The following CD200 variants were observed in gnomAD, a reference collection of about 807,000 sequenced individuals.
The protein encoded by CD200 is OX-2 membrane glycoprotein.
A neutral mutation model predicts 30.9 loss-of-function variants in CD200; 15 were observed. The observed-to-expected ratio is 0.49, with a 90% CI of 0.32 to 0.75. CD200 has a LOEUF of 0.75. Among genes scored for constraint, CD200 ranks in the 30% least tolerant of loss-of-function variants. CD200 has a pLI of 0.03. For missense variants in CD200, 262 were observed against 324.2 expected (o/e 0.81, Z 1.47); for synonymous variants, 134 against 126.2 (o/e 1.06, Z -0.41).
upstream of CD200, chr3:112,333,059 G>A (rs892787183): frequency 5.8e-5 from 63 of 1,080,708 alleles, 1 homozygote; most frequent in South Asian, 3.1e-4. Context: ...CTCCTGTGAG[G>A]GCGTGGGGAA....
intron 3 of CD200, 87 bp from the exon 4 acceptor site, chr3:112,347,471 G>A: frequency 1.6e-6 from 2 of 1,285,296 alleles, no homozygotes; most frequent in Middle Eastern, 1.9e-4. Flanking sequence ...CTTTCTATAA[G>A]CATATTTCCT....
In CD200 at chr3:112,333,240, G is replaced by A. The variant is rs1403942636; in HGVS notation, c.12+16G>A. 1.9e-6 allele frequency: 3 copies of A among 1,549,362 alleles called. No homozygotes were observed. Among genetic ancestry groups the A allele is most frequent in the Non-Finnish European group, 1.7e-6 (2 of 1,146,312 alleles). On this transcript the variant is annotated intron_variant, in intron 1 of 5. Coordinates refer to ENST00000315711, the MANE Select transcript of CD200 (RefSeq NM_005944.7). Reference sequence around the variant, plus strand: ...GGAGAGGCTGGTGAGCGGGGCCGGGGCTTGGGAAGGAGGGCGCAGGGCAGG... The same window carrying A: ...GGAGAGGCTGGTGAGCGGGGCCGGGACTTGGGAAGGAGGGCGCAGGGCAGG...
intron 1 of CD200, chr3:112,336,165 A>T: frequency 1.6e-6 from 1 of 633,238 alleles, no homozygotes; most frequent in Non-Finnish European, 2.8e-6. Context: ...TTCCCTCATT[A>T]AGTTTAGGTC....
intron 2 of CD200, among the ~76,000 whole-genome samples, chr3:112,341,537 A>G (rs1230871405): frequency 6.6e-6 from 1 of 152,156 alleles, no homozygotes; most frequent in Non-Finnish European, 1.5e-5. Flanking sequence ...TGGCCTTTTC[A>G]TCACTTGCAG....
intron 3 of CD200, 72 bp from the exon 4 acceptor site, chr3:112,347,486 C>G: frequency 7.1e-7 from 1 of 1,405,136 alleles, no homozygotes; most frequent in Non-Finnish European, 1.0e-6. Context: ...TTTCCTTCAT[C>G]TCTCTGAGGA....
At chr3:112,345,563 G>A (rs2081366832) in intron 3 of CD200, among the ~76,000 whole-genome samples, 1 of 152,194 alleles carries the variant, frequency 6.6e-6, no homozygotes, top group Admixed American at 6.5e-5. Flanking sequence ...TTCTCCATAA[G>A]CAGTGATATG....
chr3:112,340,469 A>G (rs2081213654), intron 1 of CD200, among the ~76,000 whole-genome samples: 2 of 152,208 alleles, frequency 1.3e-5, no homozygotes. Flanking sequence ...CAGTCAAATA[A>G]TGTTCTTGAA....
chr3:112,360,333 A>AAATATATATAT (rs879786648), intron 5 of CD200, among the ~76,000 whole-genome samples: 4 of 141,196 alleles, frequency 2.8e-5, no homozygotes, highest in African/African-American at 1.0e-4. Context: ...ATCTAAAAAA[A>AAATATATATAT]ATATATATAT....
At chr3:112,349,928 T>C (rs566144157) in intron 5 of CD200, 109 bp downstream of exon 5, 2 of 1,369,010 alleles carry the variant, frequency 1.5e-6, no homozygotes, top group East Asian at 2.7e-5. Context: ...CAATGTGTTT[T>C]GTCTGTTGTT....
chr3:112,347,509 C>T, intron 3 of CD200, 49 bp from the exon 4 acceptor site: 1 of 1,578,406 alleles, frequency 6.3e-7, no homozygotes, highest in Admixed American at 1.7e-5. Context: ...CTGCAGGACT[C>T]AGACCAGGTG....
At chr3:112,352,947 TCA>T (rs1397885522) in intron 5 of CD200, among the ~76,000 whole-genome samples, 1 of 152,206 alleles carries the variant, frequency 6.6e-6, no homozygotes, top group East Asian at 1.9e-4. Flanking sequence ...GATAGAATTA[TCA>T]CAGTTACTTC....
At chr3:112,348,909 T>G (rs1391038821) in intron 4 of CD200, among the ~76,000 whole-genome samples, 1 of 152,222 alleles carries the variant, frequency 6.6e-6, no homozygotes, top group Non-Finnish European at 1.5e-5. Flanking sequence ...AGATTTGACT[T>G]ATATCACTTA....
At chr3:112,359,726 T>A (rs2081700387) in intron 5 of CD200, among the ~76,000 whole-genome samples, 1 of 152,228 alleles carries the variant, frequency 6.6e-6, no homozygotes, top group Non-Finnish European at 1.5e-5. Context: ...CCTTGTCATT[T>A]TAATGGAGAT....
chr3:112,349,842 A>T (rs1378817052), intron 5 of CD200, 23 bp downstream of exon 5: 4 of 1,583,340 alleles, frequency 2.5e-6, no homozygotes, highest in Non-Finnish European at 3.4e-6. Context: ...AGGGAGTTCA[A>T]AAAATGACAT....
chr3:112,348,189 A>G (rs2081445619), intron 4 of CD200, among the ~76,000 whole-genome samples: 1 of 152,182 alleles, frequency 6.6e-6, no homozygotes, highest in African/African-American at 2.4e-5. Context: ...TCTACTAGGG[A>G]ATAGAGATAA....
At chr3:112,351,681 G>A (rs2081534635) in intron 5 of CD200, among the ~76,000 whole-genome samples, 1 of 152,154 alleles carries the variant, frequency 6.6e-6, no homozygotes, top group Non-Finnish European at 1.5e-5. Context: ...TCCTCTGAAT[G>A]ACTGGATTTT....
At chr3:112,358,109 C>G (rs2081663166) in intron 5 of CD200, among the ~76,000 whole-genome samples, 1 of 152,162 alleles carries the variant, frequency 6.6e-6, no homozygotes, top group African/African-American at 2.4e-5. Flanking sequence ...CACACACACA[C>G]AGTTACTCAG....
At chr3:112,333,359 T>G (rs1484560286) in intron 1 of CD200, 135 bp downstream of exon 1, 1 of 1,421,726 alleles carries the variant, frequency 7.0e-7, no homozygotes, top group African/African-American at 1.5e-5. Context: ...AGATCAGCGG[T>G]GTTGATGGCA....
At chr3:112,339,496 C>T (rs1283930068) in intron 1 of CD200, among the ~76,000 whole-genome samples, 1 of 152,154 alleles carries the variant, frequency 6.6e-6, no homozygotes, top group Non-Finnish European at 1.5e-5. Flanking sequence ...TACCAGTTTG[C>T]ATCCCCAAAA....
Sources: gnomAD v4.1 joint callset for allele counts (sites outside exome capture counted in the v4.1 genomes callset) on GRCh38, gnomAD v4.1.1 for gene constraint, MANE v1.5 for transcripts, NCBI Gene and HGNC (gene_info 2026-07-23, HGNC 2026-07-21) for gene names.